Variants in MALRD1 observed in about 807,000 individuals in gnomAD.
MALRD1 encodes the protein MAM and LDL-receptor class A domain-containing protein 1.
Under a neutral mutation model 242.1 loss-of-function variants are expected in MALRD1, and 247 were observed. The ratio of observed to expected loss-of-function variants is 1.02; its 90% CI spans 0.92 to 1.13. MALRD1 has a LOEUF of 1.13. Among genes scored for constraint, MALRD1 ranks in the 50% most tolerant of loss-of-function variants. MALRD1 has a pLI of 0.00. For synonymous variants in MALRD1, 995 were observed against 866.6 expected (o/e 1.15, Z -2.60); for missense variants, 2,989 against 2,533.1 (o/e 1.18, Z -3.86).
At chr10:19,276,932 G>A (rs1840557069) in intron 19 of MALRD1, among the ~76,000 whole-genome samples, 1 of 151,426 alleles carries the variant, frequency 6.6e-6, no homozygotes, top group Admixed American at 6.6e-5. Flanking sequence ...TGGGTTGGGG[G>A]GTGGGAAGGT....
At chr10:19,255,836 T>G (rs1207612986) in intron 18 of MALRD1, among the ~76,000 whole-genome samples, 4 of 152,012 alleles carry the variant, frequency 2.6e-5, no homozygotes, top group Non-Finnish European at 5.9e-5. Context: ...TGAAGGAAAC[T>G]CCAAAGGAAA....
At chr10:19,719,440 C>T (rs1041272212) in intron 38 of MALRD1, among the ~76,000 whole-genome samples, 8 of 151,326 alleles carry the variant, frequency 5.3e-5, no homozygotes, top group Non-Finnish European at 1.2e-4. Context: ...TACTAATTGC[C>T]TCCATATTCC....
At chr10:19,080,925 A>G (rs1183059802) in intron 2 of MALRD1, among the ~76,000 whole-genome samples, 1 of 152,122 alleles carries the variant, frequency 6.6e-6, no homozygotes, top group Non-Finnish European at 1.5e-5. Context: ...CAGGAAAAAA[A>G]CAAACAACCC....
chr10:19,131,351 T>G (rs1477132758), intron 8 of MALRD1, among the ~76,000 whole-genome samples: 2 of 152,084 alleles, frequency 1.3e-5, no homozygotes, highest in African/African-American at 2.4e-5. Context: ...CATTAGAACT[T>G]GAGAAGTGAA....
chr10:19,498,510 C>G lies in MALRD1; in HGVS notation c.5184C>G (p.Ser1728Arg). The change falls in exon 31 of 40, where the codon AGC becomes AGG. Residue 1728 changes from serine (S) to arginine (R), a missense_variant. Ser to Arg is a moderately radical substitution (Grantham distance 110). Coordinates refer to ENST00000454679, the MANE Select transcript of MALRD1 (RefSeq NM_001142308.3). ...CACATTATACAAGCACAACAGGAAG[C>G]TGCAATTTTGAAACAAGTTCAGGAA... ...HCAHYTSTTG[S>R]CNFETSSGNW... is the part of the protein sequence containing the mutation. 4 of 1,550,248 alleles carry G rather than the reference C, an allele frequency of 2.6e-6. No individual in the cohort carries two copies. The East Asian group carries it at 7.3e-5, about 28-fold the overall frequency.
chr10:19,323,149 A>C (rs1159052246), intron 21 of MALRD1, among the ~76,000 whole-genome samples: 1 of 152,154 alleles, frequency 6.6e-6, no homozygotes, highest in Non-Finnish European at 1.5e-5. Flanking sequence ...AATGTGTTGA[A>C]GTGAAACTGA....
chr10:19,583,838 T>C (rs1317358245), intron 33 of MALRD1, among the ~76,000 whole-genome samples: 1 of 152,192 alleles, frequency 6.6e-6, no homozygotes, highest in Non-Finnish European at 1.5e-5. Flanking sequence ...AATTTGGCTG[T>C]GAATCCATCT....
intron 32 of MALRD1, among the ~76,000 whole-genome samples, chr10:19,539,424 T>C (rs894879693): frequency 2.0e-5 from 3 of 152,266 alleles, no homozygotes; most frequent in South Asian, 4.1e-4. Context: ...TATTGTCTTA[T>C]ATTTTCTACC....
intron 28 of MALRD1, among the ~76,000 whole-genome samples, chr10:19,422,823 A>C (rs1239934085): frequency 6.6e-6 from 1 of 152,226 alleles, no homozygotes; most frequent in African/African-American, 2.4e-5. Flanking sequence ...AAAGTGCTAA[A>C]TAATGATAGC....
intron 2 of MALRD1, among the ~76,000 whole-genome samples, chr10:19,069,611 A>C (rs1835080263): frequency 6.6e-6 from 1 of 151,974 alleles, no homozygotes; most frequent in East Asian, 1.9e-4. Flanking sequence ...TTTCCCCCTG[A>C]AAATGTTTTT....
chr10:19,266,158 T>A (rs1054362222), intron 19 of MALRD1, among the ~76,000 whole-genome samples: 7 of 151,638 alleles, frequency 4.6e-5, no homozygotes, highest in Non-Finnish European at 8.8e-5. Flanking sequence ...GTTTTTTTTT[T>A]ATCTGTTAAG....
intron 33 of MALRD1, 95 bp from the exon 34 acceptor site, chr10:19,595,099 T>G: frequency 8.0e-7 from 1 of 1,251,462 alleles, no homozygotes; most frequent in Non-Finnish European, 1.1e-6. Flanking sequence ...ATAAAATTCA[T>G]TTTATACAAT....
At chr10:19,493,636 C>T (rs182304786) in intron 30 of MALRD1, among the ~76,000 whole-genome samples, 3 of 145,554 alleles carry the variant, frequency 2.1e-5, no homozygotes, top group East Asian at 3.9e-4. Context: ...GGTGAAACCC[C>T]GTCTCTACTA....
chr10:19,353,984 C>T (rs1458720921), intron 26 of MALRD1, among the ~76,000 whole-genome samples: 3 of 151,792 alleles, frequency 2.0e-5, no homozygotes. Context: ...GCCTCAGCCT[C>T]CCAAAGTCCT....
chr10:19,204,333 A>C lies in MALRD1; in HGVS notation c.2130A>C (p.Lys710Asn). ...GGCATTTTATGTTCATTCTGAAGAAAAGCAGCAGCTTGTGGCAAGTTGCTA... is the reference window on the plus strand; with the variant it reads ...GGCATTTTATGTTCATTCTGAAGAACAGCAGCAGCTTGTGGCAAGTTGCTA... ...SQGHFMFILKKSSSLWQVAKL... is the reference protein window; with the variant it reads ...SQGHFMFILKNSSSLWQVAKL... The change falls in exon 16 of 40, where the codon AAA becomes AAC. Residue 710 changes from lysine (K) to asparagine (N), a missense_variant. Physicochemically the swap from Lys to Asn is moderately conservative, Grantham distance 94. Coordinates refer to ENST00000454679, the MANE Select transcript of MALRD1 (RefSeq NM_001142308.3). The C allele has an allele frequency of 1.3e-6, 2 of 1,548,796 alleles. No individual in the cohort carries two copies. The highest frequency in any genetic ancestry group is 1.7e-6 in the Non-Finnish European group (2 of 1,146,374).
intron 29 of MALRD1, among the ~76,000 whole-genome samples, chr10:19,482,760 C>G (rs1837058379): frequency 2.1e-5 from 3 of 141,232 alleles, no homozygotes; most frequent in African/African-American, 8.1e-5. Context: ...GCAAGAAGAA[C>G]TATAAAATCC....
At chr10:19,607,986 T>C (rs1838719149) in intron 35 of MALRD1, 84 bp downstream of exon 35, 9 of 1,476,302 alleles carry the variant, frequency 6.1e-6, no homozygotes, top group South Asian at 1.3e-5. Context: ...AACTTGAGGT[T>C]CTAAACAATG....
At chr10:19,307,839 CAA>C (rs796231823) in intron 21 of MALRD1, among the ~76,000 whole-genome samples, 1 of 151,570 alleles carries the variant, frequency 6.6e-6, no homozygotes, top group African/African-American at 2.4e-5. Flanking sequence ...TTTTAATTGA[CAA>C]ATAATAATTG....
chr10:19,568,094 G>T (rs901921389), intron 33 of MALRD1, among the ~76,000 whole-genome samples: 1 of 151,806 alleles, frequency 6.6e-6, no homozygotes, highest in Non-Finnish European at 1.5e-5. Context: ...CCCAGGCCAC[G>T]TTCCTTCTCC....
Sources: gnomAD v4.1 joint callset for allele counts (sites outside exome capture counted in the v4.1 genomes callset) on GRCh38, gnomAD v4.1.1 for gene constraint, MANE v1.5 for transcripts, NCBI Gene and HGNC (gene_info 2026-07-23, HGNC 2026-07-21) for gene names.